CMPK1: variants seen among roughly 807,000 people sequenced by gnomAD.
CMPK1 encodes cytidine/uridine monophosphate kinase 1, also known as UMP-CMP kinase.
In CMPK1, 10 loss-of-function variants were observed where a neutral mutation model predicts 25.7. The observed-to-expected ratio is 0.39, with a 90% CI of 0.24 to 0.66. The LOEUF (loss-of-function observed/expected upper bound fraction) is 0.66, where lower values mean the gene tolerates loss of function less well. Among genes scored for constraint, CMPK1 ranks in the 30% least tolerant of loss-of-function variants. CMPK1 has a pLI of 0.48. For missense variants in CMPK1, 199 were observed against 280.5 expected (o/e 0.71, Z 2.08); for synonymous variants, 106 against 101.5 (o/e 1.04, Z -0.27).
At chr1:47,359,249 A>G (rs551199675) in intron 1 of CMPK1, among the ~76,000 whole-genome samples, 62 of 151,708 alleles carry the variant, frequency 4.1e-4, no homozygotes, top group Admixed American at 1.6e-3. Context: ...CCTGGGAGGC[A>G]GAGCTTGCAG....
intron 1 of CMPK1, among the ~76,000 whole-genome samples, chr1:47,350,328 T>G (rs1458276400): frequency 6.6e-6 from 1 of 152,050 alleles, no homozygotes; most frequent in Non-Finnish European, 1.5e-5. Context: ...CCTCTACTTT[T>G]CGGGCTCAGG....
chr1:47,358,497 ATAG>A, intron 1 of CMPK1: 2 of 1,099,828 alleles, frequency 1.8e-6, no homozygotes, highest in Non-Finnish European at 1.1e-6. Flanking sequence ...TTAGTATAGT[ATAG>A]TATGTGTAGA....
At position 47,337,221 on chromosome 1, in the gene CMPK1, T is replaced by C. The variant is rs1270051059; in HGVS notation, c.171+3105T>C. Reference sequence around the variant, plus strand: ...TGGCATGAACCGGGGAGGCGGAGCTTGCAGTGAGCCAAGATCACGCCACTG... The same window carrying C: ...TGGCATGAACCGGGGAGGCGGAGCTCGCAGTGAGCCAAGATCACGCCACTG... On this transcript the variant is annotated intron_variant, in intron 1 of 5. Transcript: ENST00000371873. 2.0e-5 allele frequency among the ~76,000 whole-genome samples: 3 copies of C among 152,244 alleles called. No homozygotes were observed. In the East Asian group the frequency reaches 5.8e-4, roughly 29 times the overall value.
At chr1:47,367,226 G>A (rs1441008583) in intron 1 of CMPK1, among the ~76,000 whole-genome samples, 1 of 152,110 alleles carries the variant, frequency 6.6e-6, no homozygotes, top group Non-Finnish European at 1.5e-5. Context: ...GATGATATTA[G>A]GATCTTGTTT....
chr1:47,348,078 TA>T (rs35072721), intron 1 of CMPK1, among the ~76,000 whole-genome samples: 63,754 of 152,046 alleles, frequency 0.42, 15,455 homozygotes, highest in South Asian at 0.55. Flanking sequence ...AAAAGGATTG[TA>T]ATCACTGAAG....
At chr1:47,353,571 AC>A (rs973007688) in intron 1 of CMPK1, among the ~76,000 whole-genome samples, 2 of 152,108 alleles carry the variant, frequency 1.3e-5, no homozygotes, top group African/African-American at 4.8e-5. Flanking sequence ...TTGTGCAGGT[AC>A]TGTTTCCCTT....
intron 1 of CMPK1, among the ~76,000 whole-genome samples, chr1:47,366,562 T>C (rs1474438830): frequency 6.6e-6 from 1 of 152,152 alleles, no homozygotes; most frequent in Non-Finnish European, 1.5e-5. Flanking sequence ...AAGAAAAATA[T>C]AGTATAAAAA....
chr1:47,375,698 T>C (rs1490433880), intron 5 of CMPK1, among the ~76,000 whole-genome samples: 1 of 152,260 alleles, frequency 6.6e-6, no homozygotes, highest in Non-Finnish European at 1.5e-5. Context: ...GCAAGTCATC[T>C]AGCTCAAGAG....
intron 5 of CMPK1, 87 bp from the exon 6 acceptor site, chr1:47,376,617 A>C: frequency 1.2e-6 from 1 of 867,290 alleles, no homozygotes; most frequent in Non-Finnish European, 1.8e-6. Flanking sequence ...CGCCCCGCCA[A>C]ATTTGATTAT....
chr1:47,335,594 G>T (rs1424694523), intron 1 of CMPK1, among the ~76,000 whole-genome samples: 1 of 136,030 alleles, frequency 7.4e-6, no homozygotes, highest in African/African-American at 2.8e-5. Context: ...CCCATATCGC[G>T]CCACTGCACA....
intron 1 of CMPK1, among the ~76,000 whole-genome samples, chr1:47,350,329 C>T (rs980817235): frequency 2.0e-5 from 3 of 151,936 alleles, no homozygotes; most frequent in African/African-American, 7.2e-5. Flanking sequence ...CTCTACTTTT[C>T]GGGCTCAGGT....
In CMPK1 at chr1:47,378,192, T is replaced by C. The variant is rs894642888; in HGVS notation, c.*1447T>C. 5 of 152,180 alleles carry C rather than the reference T, an allele frequency of 3.3e-5. No homozygotes were observed. The highest frequency in any genetic ancestry group is 7.3e-5 in the Non-Finnish European group (5 of 68,032). The allele number at this position is 152,180 out of a possible 1,614,324, so 9.4% of individuals were successfully genotyped here. A position where few individuals can be genotyped will look rare whatever the true frequency, so the allele number is the denominator to read the frequency against. On this transcript the variant is annotated 3_prime_UTR_variant, in exon 6 of 6. Coordinates refer to ENST00000371873, the MANE Select transcript of CMPK1 (RefSeq NM_016308.3). ...TTATGAAATTCACTTAATGATAAAT[T>C]TTTCAACATACTTGCCATTAGAAAA... is the stretch of plus-strand genomic sequence containing the variant.
At chr1:47,366,117 C>T (rs530360623) in intron 1 of CMPK1, among the ~76,000 whole-genome samples, 1 of 152,312 alleles carries the variant, frequency 6.6e-6, no homozygotes, top group Admixed American at 6.5e-5. Context: ...TTGCTTGAAC[C>T]TGGGAAGCAG....
intron 1 of CMPK1, among the ~76,000 whole-genome samples, chr1:47,341,740 G>A (rs902226048): frequency 6.6e-6 from 1 of 151,760 alleles, no homozygotes; most frequent in African/African-American, 2.4e-5. Flanking sequence ...CCAGGTTCAA[G>A]CGATTCTCAT....
intron 5 of CMPK1, among the ~76,000 whole-genome samples, 190 bp downstream of exon 5, chr1:47,375,483 G>A (rs551788296): frequency 4.9e-5 from 7 of 142,048 alleles, no homozygotes; most frequent in African/African-American, 1.7e-4. Context: ...GCAACATACT[G>A]GGACTCTGTC....
intron 1 of CMPK1, among the ~76,000 whole-genome samples, chr1:47,341,512 G>A (rs1646440639): frequency 6.6e-6 from 1 of 152,150 alleles, no homozygotes; most frequent in African/African-American, 2.4e-5. Context: ...GAGATTACAG[G>A]TGTGTGCTAC....
At chr1:47,371,014 T>C (rs1192760796) in intron 2 of CMPK1, among the ~76,000 whole-genome samples, 1 of 152,030 alleles carries the variant, frequency 6.6e-6, no homozygotes, top group African/African-American at 2.4e-5. Context: ...ACCCTGTATT[T>C]ACTAGGTAAC....
rs1646373422 is a variant in CMPK1 at position 47,333,888 on chromosome 1, C to A, written c.-58C>A. On this transcript the variant is annotated 5_prime_UTR_variant, in exon 1 of 6. Coordinates refer to ENST00000371873, the MANE Select transcript of CMPK1 (RefSeq NM_016308.3). ...CCTTTCTCCCGCCGCCTCCCCGCCC[C>A]GCCCCGCGCCGCGCCGGCCGCTGTC... The A allele has an allele frequency of 8.5e-7, 1 of 1,175,642 alleles. No individual in the cohort carries two copies. Among genetic ancestry groups the A allele is most frequent in the South Asian group, 3.7e-5 (1 of 27,198 alleles). The allele number at this position is 1,175,642 out of a possible 1,614,324, so 72.8% of individuals were successfully genotyped here. A position where few individuals can be genotyped will look rare whatever the true frequency, so the allele number is the denominator to read the frequency against.
chr1:47,364,499 G>A (rs997163402), intron 1 of CMPK1, among the ~76,000 whole-genome samples: 3 of 151,610 alleles, frequency 2.0e-5, no homozygotes, highest in African/African-American at 4.8e-5. Flanking sequence ...TGTATTTTTA[G>A]TAGAGACGGG....
Sources: allele counts gnomAD v4.1 joint callset (sites outside exome capture counted in the v4.1 genomes callset), GRCh38; gene constraint gnomAD v4.1.1; transcripts MANE v1.5; gene names NCBI Gene and HGNC (gene_info 2026-07-23, HGNC 2026-07-21).